The following CECR2 variants were observed in gnomAD, a reference collection of about 807,000 sequenced individuals.
The protein encoded by CECR2 is CECR2 histone acetyl-lysine reader.
CECR2 carries 30 observed loss-of-function variants against 154.5 expected under a neutral mutation model. The observed-to-expected ratio is 0.19, with a 90% CI of 0.15 to 0.26. The LOEUF (loss-of-function observed/expected upper bound fraction) is 0.26, where lower values mean the gene tolerates loss of function less well. Ranked by LOEUF, CECR2 falls within the 10% of genes least tolerant of loss-of-function variation. The probability of loss-of-function intolerance (pLI) is 1.00; values close to 1 mark genes in which losing one functional copy is unlikely to be tolerated. For synonymous variants in CECR2, 725 were observed against 683.7 expected (o/e 1.06, Z -0.94); for missense variants, 1,743 against 1,829.3 (o/e 0.95, Z 0.86).
Position 17,493,721 on chromosome 22 carries a change from C to G in CECR2, c.222-3682C>G, listed in dbSNP as rs1177679129. Among the ~76,000 whole-genome samples the G allele has an allele frequency of 3.3e-5, 5 of 152,236 alleles. No homozygotes were observed. In the East Asian group the frequency reaches 9.6e-4, roughly 29 times the overall value. ...ATCTGAAACATGGAATTGTTTGAGACAAGTAAGGGCTTCCAGACAGACTGT... is the reference window on the plus strand; with the variant it reads ...ATCTGAAACATGGAATTGTTTGAGAGAAGTAAGGGCTTCCAGACAGACTGT... On this transcript the variant is annotated intron_variant, in intron 2 of 18. Transcript: ENST00000262608.
At chr22:17,496,779 G>A (rs1197653297) in intron 2 of CECR2, among the ~76,000 whole-genome samples, 4 of 152,208 alleles carry the variant, frequency 2.6e-5, no homozygotes, top group Admixed American at 2.0e-4. Flanking sequence ...CGTAGCGGGT[G>A]AGACTTTTGC....
chr22:17,492,585 T>C (rs2055551288), intron 2 of CECR2, among the ~76,000 whole-genome samples: 2 of 151,932 alleles, frequency 1.3e-5, no homozygotes, highest in South Asian at 2.1e-4. Flanking sequence ...CTTTCACTCA[T>C]AGAGGGAAAA....
At chr22:17,449,700 A>G (rs1024104511) in intron 1 of CECR2, among the ~76,000 whole-genome samples, 7 of 151,898 alleles carry the variant, frequency 4.6e-5, no homozygotes, top group Non-Finnish European at 7.4e-5. Flanking sequence ...TGTGTTAGTC[A>G]GGATGGTCTC....
At chr22:17,457,177 G>A (rs1033055670) in intron 1 of CECR2, among the ~76,000 whole-genome samples, 18 of 152,162 alleles carry the variant, frequency 1.2e-4, no homozygotes, top group African/African-American at 3.9e-4. Flanking sequence ...ACAGACATAC[G>A]CCACCACGCC....
intron 8 of CECR2, among the ~76,000 whole-genome samples, chr22:17,523,452 G>A (rs1251663739): frequency 4.0e-5 from 6 of 151,206 alleles, no homozygotes; most frequent in Non-Finnish European, 7.4e-5. Flanking sequence ...ACTTCCTAGC[G>A]CTTTTTAAAA....
intron 1 of CECR2, among the ~76,000 whole-genome samples, chr22:17,471,232 C>G (rs1381979109): frequency 6.6e-6 from 1 of 152,156 alleles, no homozygotes; most frequent in East Asian, 1.9e-4. Flanking sequence ...AAAATTGGGT[C>G]TAAGCGATGA....
In CECR2 at chr22:17,542,734, G is replaced by T. The variant is rs773592361; in HGVS notation, c.2591G>T (p.Gly864Val). The T allele has an allele frequency of 6.2e-7, 1 of 1,613,962 alleles. No individual in the cohort carries two copies. Among genetic ancestry groups the T allele is most frequent in the Admixed American group, 1.7e-5 (1 of 60,018 alleles). ...GTGCCAGCACCCAGTTCTTTGTTTG[G>T]AGCACCTGCCCAGGCTCTTCGGGGG... ...PPVPAPSSLFGAPAQALRGVQ... is the reference protein window; with the variant it reads ...PPVPAPSSLFVAPAQALRGVQ... The change falls in exon 16 of 19, where the codon GGA becomes GTA. Residue 864 changes from glycine (G) to valine (V), a missense_variant. Coordinates refer to ENST00000262608, the MANE Select transcript of CECR2 (RefSeq NM_001290047.2).
chr22:17,549,383 C>G lies in CECR2; in HGVS notation c.4096C>G (p.Pro1366Ala). Residue 1366 changes from proline to alanine, a missense_variant, in exon 17 of 19, where the codon CCT (proline) becomes GCT (alanine). Pro to Ala is a conservative substitution (Grantham distance 27, BLOSUM62 -1). This residue lies in a region of CECR2 where 1,250 missense variants were observed against 1,192.1 expected (regional missense o/e 1.05). Transcript: ENST00000262608. ...SHFQPRAYSS[P>A]VAALPPHHPG... The stretch of plus-strand genomic sequence containing the variant: ...CTTTCAGCCCAGGGCTTACTCTTCC[C>G]CTGTGGCTGCCCTCCCACCTCACCA... 4 of 1,613,936 alleles carry G rather than the reference C, an allele frequency of 2.5e-6. No individual in the cohort carries two copies. The highest frequency in any genetic ancestry group is 3.4e-6 in the Non-Finnish European group (4 of 1,179,876).
chr22:17,370,543 A>G (rs901489735), intron 1 of CECR2, among the ~76,000 whole-genome samples: 2 of 152,068 alleles, frequency 1.3e-5, no homozygotes, highest in Admixed American at 1.3e-4. Context: ...ATTCTTCCAC[A>G]GCGTCCTTCC....
At chr22:17,546,644 C>A (rs1473661902) in intron 16 of CECR2, among the ~76,000 whole-genome samples, 1 of 152,112 alleles carries the variant, frequency 6.6e-6, no homozygotes, top group Non-Finnish European at 1.5e-5. Flanking sequence ...GTTAATAGCT[C>A]TTTAAAAGTT....
chr22:17,366,725 G>A (rs188157677), upstream of CECR2, among the ~76,000 whole-genome samples: 247 of 152,178 alleles, frequency 1.6e-3, no homozygotes, highest in Admixed American at 3.0e-3. Flanking sequence ...TTCAAAGCAG[G>A]GTCAAAGATT....
intron 1 of CECR2, among the ~76,000 whole-genome samples, chr22:17,447,896 T>G (rs1347511457): frequency 6.6e-6 from 1 of 152,140 alleles, no homozygotes; most frequent in Non-Finnish European, 1.5e-5. Flanking sequence ...TTTGTTTGTT[T>G]TTGTTTTTAA....
At position 17,554,701 on chromosome 22, in the gene CECR2, A is replaced by G. The variant is rs2056754535; in HGVS notation, c.*1861A>G. 1 of 152,170 alleles carries G rather than the reference A, an allele frequency of 6.6e-6. No homozygotes were observed. The highest frequency in any genetic ancestry group is 6.5e-5 in the Admixed American group (1 of 15,272). The allele number at this position is 152,170 out of a possible 1,614,324, so 9.4% of individuals were successfully genotyped here. On this transcript the variant is annotated 3_prime_UTR_variant, in exon 19 of 19. Transcript: ENST00000262608. The stretch of plus-strand genomic sequence containing the variant: ...GAGGTTTTAATTTTAAATTTGATGT[A>G]TTTGCAAGTGGATTGAGTTTTGAGC...
At chr22:17,365,337 G>A (rs565943322), upstream of CECR2, among the ~76,000 whole-genome samples, 6 of 152,276 alleles carry the variant, frequency 3.9e-5, no homozygotes, top group Admixed American at 1.3e-4. Flanking sequence ...ATAAAGCAGA[G>A]CACACATTTT....
chr22:17,490,065 G>C (rs1176971907), intron 2 of CECR2, among the ~76,000 whole-genome samples: 3 of 151,486 alleles, frequency 2.0e-5, no homozygotes, highest in Non-Finnish European at 4.4e-5. Flanking sequence ...TTTCTTCTGT[G>C]ACCCAAAAGT....
Position 17,423,312 on chromosome 22 carries a change from CAGTT to C in CECR2, c.126+53406_126+53409del, listed in dbSNP as rs2054284551. Among the ~76,000 whole-genome samples the C allele has an allele frequency of 3.3e-5, 5 of 152,130 alleles. No homozygotes were observed. The South Asian group carries it at 6.2e-4, about 19-fold the overall frequency. On this transcript the variant is annotated intron_variant, in intron 1 of 18. Coordinates refer to ENST00000262608, the MANE Select transcript of CECR2 (RefSeq NM_001290047.2). ...AGTTGGGTGTTCCCTTCCCCTGCGT[CAGTT>C]AGGCTCTGATAAAACCCTCTCTCTA...
At chr22:17,538,895 A>G (rs1384636173) in intron 12 of CECR2, 98 bp from the exon 13 acceptor site, 5 of 1,439,644 alleles carry the variant, frequency 3.5e-6, no homozygotes, top group Admixed American at 2.0e-5. Context: ...ATTACAGATC[A>G]GCATTGCTGA....
At chr22:17,533,087 G>A (rs2056383739) in intron 9 of CECR2, among the ~76,000 whole-genome samples, 1 of 151,862 alleles carries the variant, frequency 6.6e-6, no homozygotes, top group South Asian at 2.1e-4. Context: ...GGAGGCCGAG[G>A]CGGGCAGATC....
intron 1 of CECR2, among the ~76,000 whole-genome samples, chr22:17,457,785 C>T (rs2054876774): frequency 6.6e-6 from 1 of 152,256 alleles, no homozygotes; most frequent in East Asian, 1.9e-4. Context: ...TTAACAAAAG[C>T]ATGGTACAGC....
Sources: gnomAD v4.1 joint callset for allele counts (sites outside exome capture counted in the v4.1 genomes callset) on GRCh38, gnomAD v4.1.1 for gene constraint, gnomAD v4.1.1 regional missense constraint, MANE v1.5 for transcripts, NCBI Gene and HGNC (gene_info 2026-07-23, HGNC 2026-07-21) for gene names.